PRKAR1A: variants seen among roughly 807,000 people sequenced by gnomAD.
PRKAR1A encodes the protein protein kinase cAMP-dependent type I regulatory subunit alpha, also known as cAMP-dependent protein kinase type I-alpha regulatory subunit.
A neutral mutation model predicts 52.0 loss-of-function variants in PRKAR1A; 3 were observed. The ratio of observed to expected loss-of-function variants is 0.06; its 90% CI spans 0.03 to 0.15. The LOEUF is 0.15. Ranked by LOEUF, PRKAR1A falls within the 10% of genes least tolerant of loss-of-function variation. PRKAR1A has a pLI of 1.00. For missense variants in PRKAR1A, 240 were observed against 477.4 expected, an observed-to-expected ratio of 0.50 and a Z score of 4.63; for synonymous variants, 188 against 168.4, an observed-to-expected ratio of 1.12 and a Z score of -0.90.
intron 11 of PRKAR1A, among the ~76,000 whole-genome samples, chr17:68,546,221 G>T: frequency 6.9e-6 from 1 of 145,366 alleles, no homozygotes. Context: ...GTTCAAGTTT[G>T]ATCATGCAGT....
At chr17:68,442,464 C>CAA in the PRKAR1A span, among the ~76,000 whole-genome samples, 58 of 62,742 alleles carry the variant, frequency 9.2e-4, no homozygotes, top group African/African-American at 2.6e-3. Context: ...GACTGTGTCT[C>CAA]AAAAAAAAAA....
At chr17:68,427,380 A>G in the PRKAR1A span, 2 of 731,186 alleles carry the variant, frequency 2.7e-6, no homozygotes, top group Non-Finnish European at 4.5e-6. Context: ...TTTTTGAGGC[A>G]GGGTCTTGCT....
chr17:68,542,098 G>C (rs2302234), intron 11 of PRKAR1A: 2 of 1,613,750 alleles, frequency 1.2e-6, no homozygotes, highest in African/African-American at 2.7e-5. Context: ...GCAGGTGTGG[G>C]TTGCCACAGA....
chr17:68,478,813 C>T, the PRKAR1A span, among the ~76,000 whole-genome samples: 3 of 151,898 alleles, frequency 2.0e-5, no homozygotes, highest in East Asian at 1.9e-4. Context: ...CTGCAACCTC[C>T]GCCTCCCGGA....
At position 68,522,849 on chromosome 17, in the gene PRKAR1A, G is replaced by T; in HGVS notation, c.271G>T (p.Val91Phe). The T allele has an allele frequency of 1.2e-6, 2 of 1,614,056 alleles. No homozygotes were observed. The highest frequency in any genetic ancestry group is 1.7e-6 in the Non-Finnish European group (2 of 1,179,910). The change falls in exon 3 of 11, where the codon GTT (valine) becomes TTT (phenylalanine). Residue 91 changes from valine (V) to phenylalanine (F), a missense_variant. By Grantham distance (50) the Val-to-Phe change is conservative. Coordinates refer to ENST00000589228, the MANE Select transcript of PRKAR1A (RefSeq NM_002734.5). ...EISPPPPNPV[V>F]KGRRRRGAIS... ...TTCTCCTCCTCCACCCAACCCAGTG[G>T]TTAAAGGTAGGAGGCGACGAGGTGC... is the stretch of plus-strand genomic sequence containing the variant.
At chr17:68,542,353 G>A (rs540634415) in intron 11 of PRKAR1A, among the ~76,000 whole-genome samples, 1 of 152,278 alleles carries the variant, frequency 6.6e-6, no homozygotes, top group East Asian at 1.9e-4. Flanking sequence ...TGAACCTCCT[G>A]GGAACCTGCT....
intron 2 of PRKAR1A, 56 bp downstream of exon 2, chr17:68,515,632 A>G: frequency 1.3e-6 from 2 of 1,549,264 alleles, no homozygotes; most frequent in East Asian, 4.6e-5. Flanking sequence ...TACATTTAAT[A>G]ACTGGAATGT....
At chr17:68,524,822 A>G (rs574321382) in intron 5 of PRKAR1A, 90 bp from the exon 6 acceptor site, 2 of 977,092 alleles carry the variant, frequency 2.0e-6, no homozygotes, top group African/African-American at 1.6e-5. Flanking sequence ...TCACAGTACC[A>G]CTGTAAAATA....
the PRKAR1A span, chr17:68,429,017 C>G: frequency 1.4e-4 from 149 of 1,040,886 alleles, no homozygotes; most frequent in African/African-American, 2.0e-3. Flanking sequence ...GCCCCCCTCA[C>G]CCTAGCTGTC....
chr17:68,510,155 T>TAGAGAGAGAGAGAGAGAG (rs1373007194), upstream of PRKAR1A, among the ~76,000 whole-genome samples: 1 of 74,374 alleles, frequency 1.3e-5, no homozygotes, highest in Non-Finnish European at 3.0e-5. Flanking sequence ...TATATATATG[T>TAGAGAGAGAGAGAGAGAG]AGACAGAGAG....
intron 11 of PRKAR1A, chr17:68,550,987 T>C (rs2086809600): frequency 1.9e-6 from 2 of 1,068,006 alleles, no homozygotes; most frequent in East Asian, 6.5e-5. Flanking sequence ...GTTTGGAATC[T>C]GCCAGTCTAA....
chr17:68,424,613 C>T, the PRKAR1A span: 18 of 453,036 alleles, frequency 4.0e-5, no homozygotes, highest in South Asian at 8.7e-5. Context: ...CGGCGGTTCA[C>T]GCCTGTAATC....
intron 11 of PRKAR1A, chr17:68,541,353 C>CA (rs1308335034): frequency 8.0e-6 from 2 of 249,410 alleles, no homozygotes; most frequent in African/African-American, 4.5e-5. Context: ...CTCTCTCACA[C>CA]ATGGTTTTCT....
intron 1 of PRKAR1A, chr17:68,514,741 C>G (rs547498667): frequency 6.6e-6 from 1 of 152,326 alleles, no homozygotes; most frequent in African/African-American, 2.4e-5. Flanking sequence ...GATTTTCCTT[C>G]TTTTACCACT....
chr17:68,512,034 T>G (rs936895123), upstream of PRKAR1A: 3 of 149,748 alleles, frequency 2.0e-5, no homozygotes, highest in East Asian at 2.0e-4. Context: ...GAGAGTGGGG[T>G]GGACAGAGGA....
At chr17:68,484,995 G>A in the PRKAR1A span, among the ~76,000 whole-genome samples, 146 of 152,332 alleles carry the variant, frequency 9.6e-4, no homozygotes, top group Non-Finnish European at 4.1e-4. Flanking sequence ...AATTTAGTTT[G>A]TAAGAGATCC....
At chr17:68,492,266 G>C in the PRKAR1A span, among the ~76,000 whole-genome samples, 781 of 152,196 alleles carry the variant, frequency 5.1e-3, 16 homozygotes, top group African/African-American at 0.018. Context: ...GGAAAGAGCC[G>C]ATCTTATTTG....
chr17:68,437,782 G>GT, the PRKAR1A span, among the ~76,000 whole-genome samples: 1 of 151,884 alleles, frequency 6.6e-6, no homozygotes, highest in Non-Finnish European at 1.5e-5. Context: ...AACATAAGCT[G>GT]TTTTTATTTA....
chr17:68,414,620 G>A, the PRKAR1A span, among the ~76,000 whole-genome samples: 1 of 152,138 alleles, frequency 6.6e-6, no homozygotes, highest in Admixed American at 6.5e-5. Flanking sequence ...TTCTTTGAAT[G>A]TCTGGTGGAA....
Sources: allele counts gnomAD v4.1 joint callset (sites outside exome capture counted in the v4.1 genomes callset), GRCh38; gene constraint gnomAD v4.1.1; transcripts MANE v1.5; gene names NCBI Gene and HGNC (gene_info 2026-07-23, HGNC 2026-07-21).